Variants in ARID1B observed in about 807,000 individuals in gnomAD.
ARID1B encodes AT-rich interaction domain 1B.
In ARID1B, 30 loss-of-function variants were observed where a neutral mutation model predicts 212.3. The observed-to-expected ratio is 0.14, with a 90% CI of 0.11 to 0.19. The LOEUF (loss-of-function observed/expected upper bound fraction) is 0.19, where lower values mean the gene tolerates loss of function less well. Ranked by LOEUF, ARID1B falls within the 10% of genes least tolerant of loss-of-function variation. The pLI, the probability that ARID1B is intolerant of heterozygous loss-of-function variation, is 1.00. For missense variants in ARID1B, 2,891 were observed against 3,204.0 expected, an observed-to-expected ratio of 0.90 and a Z score of 2.36; for synonymous variants, 1,402 against 1,301.7, an observed-to-expected ratio of 1.08 and a Z score of -1.66.
chr6:157,126,353 C>T (rs1360015195), intron 6 of ARID1B, among the ~76,000 whole-genome samples: 1 of 152,170 alleles, frequency 6.6e-6, no homozygotes, highest in African/African-American at 2.4e-5. Flanking sequence ...CTAAACAGAT[C>T]TGCTTCCAAA....
intron 4 of ARID1B, among the ~76,000 whole-genome samples, chr6:157,022,062 G>A (rs892655685): frequency 2.0e-5 from 3 of 152,224 alleles, no homozygotes; most frequent in Admixed American, 6.5e-5. Context: ...ACGAGTGGCT[G>A]ACGGTGGAAA....
intron 5 of ARID1B, among the ~76,000 whole-genome samples, chr6:157,092,903 A>AT (rs1214741951): frequency 6.6e-6 from 1 of 151,866 alleles, no homozygotes; most frequent in Non-Finnish European, 1.5e-5. Flanking sequence ...CTTCTCCATT[A>AT]TTTTTTTGCA....
At chr6:157,205,248 C>T (rs1044090413) in intron 19 of ARID1B, 7 of 152,254 alleles carry the variant, frequency 4.6e-5, no homozygotes, top group Non-Finnish European at 1.0e-4. Context: ...ATTGTTCCAA[C>T]TCTACTTTCA....
intron 1 of ARID1B, among the ~76,000 whole-genome samples, chr6:156,809,010 T>C (rs958426219): frequency 6.6e-6 from 1 of 152,252 alleles, no homozygotes; most frequent in African/African-American, 2.4e-5. Context: ...TTTGGAGGTT[T>C]TTATTCATTT....
At chr6:156,794,578 T>C (rs2115245972) in intron 1 of ARID1B, among the ~76,000 whole-genome samples, 1 of 144,698 alleles carries the variant, frequency 6.9e-6, no homozygotes, top group East Asian at 2.0e-4. Flanking sequence ...TTCTTTTTTT[T>C]TTTTTTTTTT....
At chr6:157,050,604 T>C (rs551243194) in intron 4 of ARID1B, among the ~76,000 whole-genome samples, 62 of 152,316 alleles carry the variant, frequency 4.1e-4, no homozygotes, top group Admixed American at 5.2e-4. Flanking sequence ...TCCTGAGTTT[T>C]ATGATGCAGA....
chr6:156,809,678 T>C (rs1269389938), intron 1 of ARID1B, among the ~76,000 whole-genome samples: 2 of 146,658 alleles, frequency 1.4e-5, no homozygotes, highest in Non-Finnish European at 3.0e-5. Flanking sequence ...ACCACCACCA[T>C]TGTCAAGAGC....
chr6:157,102,626 T>C (rs1209690645), intron 5 of ARID1B, among the ~76,000 whole-genome samples: 1 of 146,058 alleles, frequency 6.8e-6, no homozygotes, highest in Non-Finnish European at 1.5e-5. Flanking sequence ...TTTTTTTTTT[T>C]TTTTGAGACG....
Position 156,962,788 on chromosome 6 carries a change from C to A in ARID1B, c.2247+27212C>A, listed in dbSNP as rs200876764. 7.3e-5 allele frequency among the ~76,000 whole-genome samples: 11 copies of A among 151,218 alleles called. No homozygotes were observed. In the East Asian group the frequency reaches 2.0e-3, roughly 27 times the overall value. On this transcript the variant is annotated intron_variant, in intron 4 of 19. Coordinates refer to ENST00000636930, the MANE Select transcript of ARID1B (RefSeq NM_001374828.1). Reference sequence around the variant, plus strand: ...GTGAGCCATCACACCTGGCCGATTTCTTTCTTTCTTTTTGAGATGGAGTCT... The same window carrying A: ...GTGAGCCATCACACCTGGCCGATTTATTTCTTTCTTTTTGAGATGGAGTCT...
intron 2 of ARID1B, among the ~76,000 whole-genome samples, chr6:156,869,598 A>G (rs1287920628): frequency 6.6e-6 from 1 of 152,232 alleles, no homozygotes; most frequent in African/African-American, 2.4e-5. Flanking sequence ...GGGCGAGGAC[A>G]TGGAAAGACT....
At chr6:156,902,552 A>C (rs2128213016) in intron 3 of ARID1B, among the ~76,000 whole-genome samples, 1 of 152,170 alleles carries the variant, frequency 6.6e-6, no homozygotes, top group South Asian at 2.1e-4. Flanking sequence ...CTTACTAGAG[A>C]ATTCTAAAGA....
At chr6:156,948,692 A>C (rs1302431629) in intron 4 of ARID1B, among the ~76,000 whole-genome samples, 14 of 152,258 alleles carry the variant, frequency 9.2e-5, no homozygotes, top group African/African-American at 3.4e-4. Context: ...CTAATGTCTA[A>C]GATTTTATAT....
intron 7 of ARID1B, among the ~76,000 whole-genome samples, chr6:157,134,902 A>G (rs971334582): frequency 1.3e-5 from 2 of 152,152 alleles, no homozygotes; most frequent in Admixed American, 1.3e-4. Context: ...TCTTAAGTCC[A>G]TAAGCCCTTC....
chr6:156,984,708 A>C (rs942260226), intron 4 of ARID1B: 1 of 151,836 alleles, frequency 6.6e-6, no homozygotes, highest in African/African-American at 2.4e-5. Flanking sequence ...CCTTTTTTAG[A>C]GAGGGTCTCG....
chr6:157,086,515 T>C (rs750403054), intron 5 of ARID1B, among the ~76,000 whole-genome samples: 5 of 152,224 alleles, frequency 3.3e-5, no homozygotes, highest in Non-Finnish European at 5.9e-5. Flanking sequence ...TCATTCTAAA[T>C]TGAGTCAAAA....
At position 156,897,237 on chromosome 6, in the gene ARID1B, C is replaced by A. The variant is rs1320341775; in HGVS notation, c.1987-4139C>A. ...GCTGCTGCTTCTTCTTCTTCTTCTT[C>A]TTCTTCTTCTTCTTCTTCTTCTTCT... On this transcript the variant is annotated intron_variant, in intron 2 of 19. Transcript: ENST00000636930. Among the ~76,000 whole-genome samples the A allele has an allele frequency of 3.1e-4, 30 of 97,348 alleles. 1 individual carries two copies. Among genetic ancestry groups the A allele is most frequent in the African/African-American group, 1.2e-3 (30 of 25,534 alleles). The allele number at this position is 97,348 out of a possible 152,430, so 63.9% of individuals were successfully genotyped here. A position where few individuals can be genotyped will look rare whatever the true frequency, so the allele number is the denominator to read the frequency against.
At chr6:156,965,219 A>G (rs1369415427) in intron 4 of ARID1B, among the ~76,000 whole-genome samples, 1 of 152,236 alleles carries the variant, frequency 6.6e-6, no homozygotes, top group Non-Finnish European at 1.5e-5. Flanking sequence ...AAGGAATAAC[A>G]TAATTCTGCA....
chr6:156,914,760 G>T (rs78240943), intron 3 of ARID1B, among the ~76,000 whole-genome samples: 244 of 152,170 alleles, frequency 1.6e-3, no homozygotes, highest in African/African-American at 5.4e-3. Flanking sequence ...TATCCAAAGC[G>T]GGCCTCTGGC....
chr6:156,993,972 G>A (rs1372083476), intron 4 of ARID1B, among the ~76,000 whole-genome samples: 2 of 152,206 alleles, frequency 1.3e-5, no homozygotes, highest in Non-Finnish European at 2.9e-5. Context: ...CTTATTGAAT[G>A]TGTCAGGCTC....
Sources: allele counts gnomAD v4.1 joint callset (sites outside exome capture counted in the v4.1 genomes callset), GRCh38; gene constraint gnomAD v4.1.1; transcripts MANE v1.5; gene names NCBI Gene and HGNC (gene_info 2026-07-23, HGNC 2026-07-21).